Variants in NAV1 observed in about 807,000 individuals in gnomAD.
The protein encoded by NAV1 is neuron navigator 1, also known as pore membrane and/or filament interacting like protein 3.
NAV1 carries 18 observed loss-of-function variants against 175.2 expected under a neutral mutation model. The ratio of observed to expected loss-of-function variants is 0.10; its 90% CI spans 0.07 to 0.15. The LOEUF (loss-of-function observed/expected upper bound fraction) is 0.15, where lower values mean the gene tolerates loss of function less well. NAV1 is among the 10% of genes least tolerant of loss of function. The probability of loss-of-function intolerance (pLI) is 1.00; values close to 1 mark genes in which losing one functional copy is unlikely to be tolerated. For synonymous variants in NAV1, 897 were observed against 978.7 expected (o/e 0.92, Z 1.56); for missense variants, 1,731 against 2,436.6 (o/e 0.71, Z 6.10).
At chr1:201,559,263 T>C (rs1214422616) in intron 1 of NAV1, among the ~76,000 whole-genome samples, 2 of 152,102 alleles carry the variant, frequency 1.3e-5, no homozygotes, top group African/African-American at 2.4e-5. Flanking sequence ...ATTGTGGTTA[T>C]AAAGGGCCTG....
intron 3 of NAV1, among the ~76,000 whole-genome samples, chr1:201,720,366 A>C (rs1237852182): frequency 6.6e-6 from 1 of 152,214 alleles, no homozygotes; most frequent in East Asian, 1.9e-4. Flanking sequence ...GGGAGCTTCC[A>C]GACAGGGGAA....
intron 2 of NAV1, among the ~76,000 whole-genome samples, chr1:201,593,000 G>C (rs548630986): frequency 6.6e-6 from 1 of 152,118 alleles, no homozygotes; most frequent in Non-Finnish European, 1.5e-5. Context: ...CTCTGTGGAC[G>C]TTGTTCAGTC....
intron 29 of NAV1, among the ~76,000 whole-genome samples, chr1:201,818,085 C>T (rs1320985238): frequency 2.0e-5 from 3 of 152,014 alleles, no homozygotes; most frequent in Non-Finnish European, 4.4e-5. Context: ...AAAAAATTAG[C>T]TGGGTGTGAT....
chr1:201,747,018 T>C (rs1331642733), intron 3 of NAV1, among the ~76,000 whole-genome samples: 1 of 151,408 alleles, frequency 6.6e-6, no homozygotes, highest in Non-Finnish European at 1.5e-5. Flanking sequence ...ATGAAGAAAT[T>C]TGGAGACACT....
chr1:201,614,634 G>A (rs1359998170), intron 2 of NAV1, among the ~76,000 whole-genome samples: 2 of 152,250 alleles, frequency 1.3e-5, no homozygotes, highest in Admixed American at 6.5e-5. Context: ...TAATGGCCAG[G>A]TAGCCTCCAT....
At chr1:201,554,617 A>G (rs533546052) in intron 1 of NAV1, among the ~76,000 whole-genome samples, 31 of 152,338 alleles carry the variant, frequency 2.0e-4, no homozygotes, top group African/African-American at 6.7e-4. Flanking sequence ...GAGGGACACA[A>G]CAGAGAGCAG....
chr1:201,717,720 C>T (rs1056935061), intron 2 of NAV1, among the ~76,000 whole-genome samples: 1 of 152,356 alleles, frequency 6.6e-6, no homozygotes, highest in East Asian at 1.9e-4. Context: ...CTGCCCTAGG[C>T]CTGTGGCTTG....
At chr1:201,781,826 T>A (rs1676344173) in intron 5 of NAV1, among the ~76,000 whole-genome samples, 1 of 152,214 alleles carries the variant, frequency 6.6e-6, no homozygotes, top group Non-Finnish European at 1.5e-5. Context: ...AGAGATATTG[T>A]CATACTCTAT....
chr1:201,793,772 T>A lies in NAV1; in HGVS notation c.3322-20T>A. 1.2e-6 allele frequency: 2 copies of A among 1,611,378 alleles called. No individual in the cohort carries two copies. The highest frequency in any genetic ancestry group is 8.5e-7 in the Non-Finnish European group (1 of 1,178,520). The stretch of plus-strand genomic sequence containing the variant: ...CCCAGCCTTATGCAACTTAGCAATC[T>A]CTTTCTGTGTTTGTTTCAGGCTAAT... On this transcript the variant is annotated intron_variant, in intron 13 of 29. Transcript: ENST00000367296.
chr1:201,565,479 G>A (rs574903287), intron 1 of NAV1, among the ~76,000 whole-genome samples: 1 of 152,216 alleles, frequency 6.6e-6, no homozygotes, highest in Non-Finnish European at 1.5e-5. Flanking sequence ...GCTATGTGAG[G>A]GCGGCTGCCA....
At chr1:201,777,211 T>A (rs954457172) in intron 3 of NAV1, among the ~76,000 whole-genome samples, 1 of 152,360 alleles carries the variant, frequency 6.6e-6, no homozygotes, top group East Asian at 1.9e-4. Flanking sequence ...AGAGGAAGAC[T>A]GAGATTCCAG....
chr1:201,805,946 C>T (rs889993530), intron 17 of NAV1, among the ~76,000 whole-genome samples: 4 of 151,138 alleles, frequency 2.6e-5, no homozygotes, highest in South Asian at 4.2e-4. Flanking sequence ...GTGATACCAT[C>T]GTCAAATAAA....
chr1:201,587,314 A>G (rs1667062669), intron 1 of NAV1, among the ~76,000 whole-genome samples: 1 of 152,214 alleles, frequency 6.6e-6, no homozygotes, highest in South Asian at 2.1e-4. Flanking sequence ...CTGTCAAGAA[A>G]GTGAATAACT....
chr1:201,649,409 C>T (rs930279585), exon 1 of NAV1: 3 of 1,568,042 alleles, frequency 1.9e-6, no homozygotes, highest in Non-Finnish European at 2.6e-6. Flanking sequence ...AGCAGCTGCT[C>T]TTCAGCCAGA....
At chr1:201,744,371 T>C (rs1373078800) in intron 3 of NAV1, among the ~76,000 whole-genome samples, 1 of 151,824 alleles carries the variant, frequency 6.6e-6, no homozygotes, top group East Asian at 1.9e-4. Context: ...CAACAAACTC[T>C]AATGAGCACT....
intron 1 of NAV1, among the ~76,000 whole-genome samples, chr1:201,651,122 CGTGTGTGTGTGTGTGTGTGTGT>C (rs60462710): frequency 3.1e-5 from 4 of 129,158 alleles, no homozygotes; most frequent in African/African-American, 8.4e-5. Flanking sequence ...AGGAAGGGAC[CGTGTGTGTGTGTGTGTGTGTGT>C]GTGTGTGTGT....
At position 201,810,562 on chromosome 1, in the gene NAV1, C is replaced by T. The variant is rs529470507; in HGVS notation, c.4601C>T (p.Thr1534Met). Residue 1534 changes from threonine (T) to methionine (M), a missense_variant, in exon 24 of 30, where the codon ACG becomes ATG. Transcript: ENST00000367296. The surrounding 1 kb of genome is among the most constrained non-coding windows in gnomAD (Gnocchi z 6.0). ...TGCGTCGACAGCCTGGTGTTCGAGA[C>T]GCTGATCCCCAAGCCGATGATGCAG... The T allele has an allele frequency of 1.9e-6, 3 of 1,613,242 alleles. No individual in the cohort carries two copies. The highest frequency in any genetic ancestry group is 1.7e-5 in the Admixed American group (1 of 59,910).
rs1023683138 is a variant in NAV1 at position 201,750,941 on chromosome 1, C to T, written c.1227-29480C>T. ...TGCCTGAAGGCATCTCCTCTAGAAA[C>T]AAAACCAGTTTGATTTTGATTAACT... On this transcript the variant is annotated intron_variant, in intron 3 of 29. Coordinates refer to ENST00000367296, the Ensembl canonical transcript of NAV1. This position sits in a 1 kb window ranked among gnomAD's most constrained non-coding sequence, Gnocchi z 4.1. Among the ~76,000 whole-genome samples, 8 of 152,164 alleles carry T rather than the reference C, an allele frequency of 5.3e-5. No individual in the cohort carries two copies. Among genetic ancestry groups the T allele is most frequent in the African/African-American group, 1.9e-4 (8 of 41,442 alleles).
At chr1:201,693,989 G>A (rs1054156013) in intron 1 of NAV1, among the ~76,000 whole-genome samples, 3 of 152,190 alleles carry the variant, frequency 2.0e-5, no homozygotes, top group Non-Finnish European at 4.4e-5. Flanking sequence ...CTCCAGCCAG[G>A]GCTTGGTGCT....
Sources: allele counts gnomAD v4.1 joint callset (sites outside exome capture counted in the v4.1 genomes callset), GRCh38; gene constraint gnomAD v4.1.1; non-coding constraint Gnocchi (gnomAD v3.1); transcripts MANE v1.5; gene names NCBI Gene and HGNC (gene_info 2026-07-23, HGNC 2026-07-21).